The following LRP1B variants were observed in gnomAD, a reference collection of about 807,000 sequenced individuals.
LRP1B encodes the protein LDL receptor related protein 1B.
LRP1B carries 217 observed loss-of-function variants against 556.6 expected under a neutral mutation model. That is an observed-to-expected ratio of 0.39 (90% CI 0.35 to 0.44). The LOEUF (loss-of-function observed/expected upper bound fraction) is 0.44, where lower values mean the gene tolerates loss of function less well. Among genes scored for constraint, LRP1B ranks in the 20% least tolerant of loss-of-function variants. LRP1B has a pLI of 1.00. For missense variants in LRP1B, 5,053 were observed against 5,620.8 expected (o/e 0.90, Z 3.23); for synonymous variants, 2,047 against 1,865.8 (o/e 1.10, Z -2.50).
chr2:141,604,562 C>T (rs1687850474), intron 2 of LRP1B, among the ~76,000 whole-genome samples: 2 of 152,260 alleles, frequency 1.3e-5, no homozygotes, highest in East Asian at 3.9e-4. Context: ...GGTACATTTT[C>T]TTCTGATTGA....
intron 2 of LRP1B, among the ~76,000 whole-genome samples, chr2:141,547,845 G>A (rs1362308326): frequency 1.3e-5 from 2 of 151,370 alleles, no homozygotes; most frequent in African/African-American, 4.9e-5. Flanking sequence ...GATAAAAGGT[G>A]GGCCTTATTG....
intron 32 of LRP1B, among the ~76,000 whole-genome samples, chr2:140,790,669 C>T (rs1178860896): frequency 2.0e-5 from 3 of 152,108 alleles, no homozygotes; most frequent in Non-Finnish European, 4.4e-5. Flanking sequence ...AGAGGGAGCA[C>T]CTGAAGGTCA....
At position 140,599,725 on chromosome 2, in the gene LRP1B, C is replaced by G. The variant is rs75383112; in HGVS notation, c.6990-890G>C. Among the ~76,000 whole-genome samples the G allele has an allele frequency of 3.6e-3, 540 of 152,034 alleles. 6 individuals are homozygous for G. The highest frequency in any genetic ancestry group is 0.013 in the African/African-American group (520 of 41,488). On this transcript the variant is annotated intron_variant, in intron 42 of 90. Coordinates refer to ENST00000389484, the MANE Select transcript of LRP1B (RefSeq NM_018557.3). ...CTCACAATTTATTTACAATATTTTC[C>G]TAGATTGTAGGCTTTATAATAAGAG... is the stretch of plus-strand genomic sequence containing the variant.
chr2:140,531,269 A>G (rs1228412137), intron 47 of LRP1B, among the ~76,000 whole-genome samples: 1 of 151,950 alleles, frequency 6.6e-6, no homozygotes, highest in Non-Finnish European at 1.5e-5. Flanking sequence ...CCTATATTAT[A>G]TTTTCCTCTC....
intron 29 of LRP1B, among the ~76,000 whole-genome samples, chr2:140,843,904 TACA>T (rs1257981504): frequency 6.6e-6 from 1 of 152,178 alleles, no homozygotes; most frequent in Non-Finnish European, 1.5e-5. Flanking sequence ...CCCAGTTGCA[TACA>T]ACATTGCCTT....
At chr2:140,696,123 AC>A (rs1473053732) in intron 41 of LRP1B, among the ~76,000 whole-genome samples, 1 of 152,214 alleles carries the variant, frequency 6.6e-6, no homozygotes, top group African/African-American at 2.4e-5. Context: ...TAGAGATATA[AC>A]AAAAGAACAT....
chr2:141,612,736 C>T lies in LRP1B; in HGVS notation c.206-132203G>A, dbSNP rs13384123. Among the ~76,000 whole-genome samples, 1,436 of 152,276 alleles carry T rather than the reference C, an allele frequency of 9.4e-3. 24 individuals are homozygous for T. Among genetic ancestry groups the T allele is most frequent in the African/African-American group, 0.032 (1,334 of 41,546 alleles). On this transcript the variant is annotated intron_variant, in intron 2 of 90. Coordinates refer to ENST00000389484, the MANE Select transcript of LRP1B (RefSeq NM_018557.3). ...CTATAGGTTCAACCCAGTAAATTCCCTTTCGCCTTCGCATCACTCAGTTTT... is the reference window on the plus strand; with the variant it reads ...CTATAGGTTCAACCCAGTAAATTCCTTTTCGCCTTCGCATCACTCAGTTTT...
intron 37 of LRP1B, among the ~76,000 whole-genome samples, chr2:140,707,244 G>A (rs1686872022): frequency 6.6e-6 from 1 of 152,076 alleles, no homozygotes; most frequent in African/African-American, 2.4e-5. Flanking sequence ...AAGAAAACCT[G>A]AGATAACCAA....
intron 7 of LRP1B, among the ~76,000 whole-genome samples, chr2:141,146,908 C>T (rs1322860001): frequency 6.6e-6 from 1 of 152,188 alleles, no homozygotes; most frequent in Non-Finnish European, 1.5e-5. Flanking sequence ...ACTCCCACCA[C>T]CACCACTGTT....
intron 5 of LRP1B, among the ~76,000 whole-genome samples, chr2:141,240,866 A>G (rs932797454): frequency 1.3e-5 from 2 of 152,078 alleles, no homozygotes; most frequent in African/African-American, 2.4e-5. Flanking sequence ...CTTTTTTTCC[A>G]TGTCTCATAT....
intron 2 of LRP1B, among the ~76,000 whole-genome samples, chr2:141,615,062 A>G (rs971172667): frequency 3.3e-5 from 5 of 152,198 alleles, no homozygotes; most frequent in African/African-American, 4.8e-5. Flanking sequence ...AGGACCTTCT[A>G]GTGAGGTCTC....
intron 1 of LRP1B, among the ~76,000 whole-genome samples, chr2:142,067,218 CCTTAA>C (rs1287397466): frequency 3.3e-5 from 5 of 151,386 alleles, no homozygotes; most frequent in East Asian, 1.9e-4. Context: ...ATCTCAAAAT[CCTTAA>C]CTTAATAATA....
intron 11 of LRP1B, among the ~76,000 whole-genome samples, chr2:141,048,374 T>C (rs1558824461): frequency 6.6e-6 from 1 of 152,096 alleles, no homozygotes; most frequent in African/African-American, 2.4e-5. Flanking sequence ...CCAAATAATT[T>C]ATAATATACA....
rs570388438 is a variant in LRP1B at position 140,241,132 on chromosome 2, T to C, written c.13325-1600A>G. 1.2e-4 allele frequency among the ~76,000 whole-genome samples: 18 copies of C among 151,102 alleles called. No individual in the cohort carries two copies. In the Middle Eastern group the frequency reaches 0.01, roughly 86 times the overall value. On this transcript the variant is annotated intron_variant, in intron 87 of 90. Transcript: ENST00000389484. Reference sequence around the variant, plus strand: ...TTTTTCATGTAGTTATGAGAACTTATGGTGTTTGATATTACTATATTACCT... The same window carrying C: ...TTTTTCATGTAGTTATGAGAACTTACGGTGTTTGATATTACTATATTACCT...
At chr2:140,942,581 T>C in intron 20 of LRP1B, among the ~76,000 whole-genome samples, 1 of 152,102 alleles carries the variant, frequency 6.6e-6, no homozygotes. Flanking sequence ...ATCAGACAAA[T>C]GTCAGACTCC....
intron 25 of LRP1B, among the ~76,000 whole-genome samples, chr2:140,873,595 G>A (rs1693208490): frequency 1.3e-5 from 2 of 151,972 alleles, no homozygotes; most frequent in African/African-American, 4.8e-5. Context: ...ATTTTGCAAT[G>A]GTAGTTCCAT....
intron 2 of LRP1B, among the ~76,000 whole-genome samples, chr2:141,491,384 G>T (rs1358947359): frequency 6.6e-6 from 1 of 152,166 alleles, no homozygotes; most frequent in Non-Finnish European, 1.5e-5. Flanking sequence ...AGCCAAAGAT[G>T]AAATGTTTCA....
intron 41 of LRP1B, among the ~76,000 whole-genome samples, chr2:140,615,761 A>G (rs1002067965): frequency 1.2e-3 from 4 of 3,216 alleles, no homozygotes; most frequent in South Asian, 0.029. Flanking sequence ...CCTTCTCAAC[A>G]TGCCTTCCTC....
At chr2:140,910,424 C>A (rs1448982822) in intron 21 of LRP1B, among the ~76,000 whole-genome samples, 3 of 151,588 alleles carry the variant, frequency 2.0e-5, no homozygotes, top group African/African-American at 7.3e-5. Flanking sequence ...AAGAGGTAAT[C>A]ATTTTAAAAT....
Sources: gnomAD v4.1 joint callset for allele counts (sites outside exome capture counted in the v4.1 genomes callset) on GRCh38, gnomAD v4.1.1 for gene constraint, MANE v1.5 for transcripts, NCBI Gene and HGNC (gene_info 2026-07-23, HGNC 2026-07-21) for gene names.